Variants in MOCS1 observed in about 807,000 individuals in gnomAD.
MOCS1 encodes the protein molybdenum cofactor synthesis 1.
MOCS1 carries 39 observed loss-of-function variants against 57.6 expected under a neutral mutation model. The ratio of observed to expected loss-of-function variants is 0.68; its 90% CI spans 0.52 to 0.88. MOCS1 has a LOEUF of 0.88. MOCS1 is among the 40% of genes least tolerant of loss of function. MOCS1 has a pLI of 0.00. For synonymous variants in MOCS1, 334 were observed against 335.7 expected, an observed-to-expected ratio of 1.00 and a Z score of 0.05; for missense variants, 795 against 831.1, an observed-to-expected ratio of 0.96 and a Z score of 0.53.
At chr6:39,916,968 G>A (rs1354240680) in intron 3 of MOCS1, among the ~76,000 whole-genome samples, 1 of 152,190 alleles carries the variant, frequency 6.6e-6, no homozygotes, top group Non-Finnish European at 1.5e-5. Flanking sequence ...CAGGGAGGTT[G>A]TCTAAGAGGG....
intron 3 of MOCS1, among the ~76,000 whole-genome samples, chr6:39,920,238 T>G (rs1767889100): frequency 1.3e-5 from 2 of 152,216 alleles, no homozygotes; most frequent in Non-Finnish European, 2.9e-5. Flanking sequence ...GAAATATAAT[T>G]TTACACTTGT....
intron 8 of MOCS1, among the ~76,000 whole-genome samples, chr6:39,910,308 C>A (rs545456980): frequency 6.6e-6 from 1 of 152,172 alleles, no homozygotes. Flanking sequence ...ATGAGAATGG[C>A]CCCCAACCAG....
At chr6:39,910,781 A>AAC (rs1226515370) in intron 8 of MOCS1, among the ~76,000 whole-genome samples, 1 of 152,130 alleles carries the variant, frequency 6.6e-6, no homozygotes. Flanking sequence ...CCTTCTCTGC[A>AAC]ACAAAGAGGT....
chr6:39,925,629 C>A lies in MOCS1; in HGVS notation c.418+49G>T. The A allele has an allele frequency of 2.5e-6, 4 of 1,609,262 alleles. 1 individual carries two copies. The South Asian group carries it at 4.4e-5, about 18-fold the overall frequency. On this transcript the variant is annotated intron_variant, in intron 3 of 10. Coordinates refer to ENST00000340692, the MANE Select transcript of MOCS1 (RefSeq NM_001358530.2). ...GTTAACATCGGCATCAGTGTCCAGC[C>A]GGATGAGGCAGCGCTGGGAGAAGTG...
intron 9 of MOCS1, among the ~76,000 whole-genome samples, chr6:39,909,352 C>T (rs1490320044): frequency 4.8e-5 from 6 of 124,470 alleles, no homozygotes; most frequent in Admixed American, 2.4e-4. Flanking sequence ...AGCAGGGGAG[C>T]GGGAGAGGGA....
rs1247484230 is a variant in MOCS1, at chr6:39,927,328, C to T, written c.250+1G>A. ...AGAGAGGGCCCAGGAAGGTGACTCA[C>T]ATCTGAGGTTGCACTTCTCTGTGAG... is the stretch of plus-strand genomic sequence containing the variant. On this transcript the variant is annotated splice_donor_variant, in intron 2 of 10. Coordinates refer to ENST00000340692, the MANE Select transcript of MOCS1 (RefSeq NM_001358530.2). LOFTEE classifies it high-confidence loss of function. 1.2e-6 allele frequency: 2 copies of T among 1,610,652 alleles called. No homozygotes were observed. The highest frequency in any genetic ancestry group is 1.8e-4 in the Middle Eastern group (1 of 5,588).
At chr6:39,933,084 T>TCTG (rs34578035) in intron 1 of MOCS1, among the ~76,000 whole-genome samples, 31,255 of 151,972 alleles carry the variant, frequency 0.21, 3,542 homozygotes, top group Middle Eastern at 0.31. Context: ...CCTCTACAGC[T>TCTG]CTGCGACTGG....
chr6:39,920,629 G>GACTACAC (rs1173088837), intron 3 of MOCS1, among the ~76,000 whole-genome samples: 8 of 152,146 alleles, frequency 5.3e-5, no homozygotes, highest in Non-Finnish European at 8.8e-5. Context: ...AGCCCTGAAA[G>GACTACAC]ACTACACACA....
intron 10 of MOCS1, among the ~76,000 whole-genome samples, 199 bp from the exon 11 acceptor site, chr6:39,907,316 C>T (rs1314450881): frequency 1.4e-5 from 2 of 147,672 alleles, no homozygotes; most frequent in Non-Finnish European, 3.0e-5. Context: ...TCCAAGTTCA[C>T]AGCCCTTCTC....
At chr6:39,910,701 A>C (rs926291197) in intron 8 of MOCS1, among the ~76,000 whole-genome samples, 1 of 152,160 alleles carries the variant, frequency 6.6e-6, no homozygotes, top group African/African-American at 2.4e-5. Context: ...AGTGAAATCT[A>C]GGATAGGTCT....
rs139286579 is a variant in MOCS1 at position 39,930,067 on chromosome 6, C to T, written c.124-2612G>A. Among the ~76,000 whole-genome samples, 271 of 152,106 alleles carry T rather than the reference C, an allele frequency of 1.8e-3. 1 individual carries two copies. Among genetic ancestry groups the T allele is most frequent in the African/African-American group, 6.3e-3 (260 of 41,450 alleles). ...ACTTATGCAGACTGCACCACCCGTT[C>T]TGAACCCAGCCTCCTAAACACACAC... On this transcript the variant is annotated intron_variant, in intron 1 of 10. Transcript: ENST00000340692.
intron 3 of MOCS1, among the ~76,000 whole-genome samples, chr6:39,917,087 G>A (rs1008299693): frequency 6.6e-6 from 1 of 152,194 alleles, no homozygotes; most frequent in Non-Finnish European, 1.5e-5. Context: ...AGACACTTAA[G>A]CCAGCCATGG....
chr6:39,905,386 T>C lies in MOCS1; in HGVS notation c.*971A>G. Reference sequence around the variant, plus strand: ...ATACAGAGAGTACACCCTTAGGCCTTTCCAGGTCCCTCCTCTTCTTCCCTC... The same window carrying C: ...ATACAGAGAGTACACCCTTAGGCCTCTCCAGGTCCCTCCTCTTCTTCCCTC... On this transcript the variant is annotated 3_prime_UTR_variant, in exon 11 of 11. Transcript: ENST00000340692. The C allele has an allele frequency of 2.1e-6, 1 of 466,044 alleles. No homozygotes were observed. The allele number at this position is 466,044 out of a possible 1,614,324, so 28.9% of individuals were successfully genotyped here.
At chr6:39,918,469 A>T (rs552376311) in intron 3 of MOCS1, among the ~76,000 whole-genome samples, 69 of 152,378 alleles carry the variant, frequency 4.5e-4, no homozygotes, top group African/African-American at 1.6e-3. Context: ...AATTCCACTA[A>T]GAATTTAAGG....
chr6:39,925,330 G>A (rs528279216), intron 3 of MOCS1, among the ~76,000 whole-genome samples: 114 of 152,244 alleles, frequency 7.5e-4, no homozygotes, highest in African/African-American at 2.6e-3. Flanking sequence ...TCAAGGCCCG[G>A]TCATGTGAAT....
intron 8 of MOCS1, 33 bp downstream of exon 8, chr6:39,912,231 G>T: frequency 6.7e-7 from 1 of 1,490,004 alleles, no homozygotes; most frequent in Non-Finnish European, 9.4e-7. Flanking sequence ...CACAGAGGTG[G>T]CAAGGGGTCC....
chr6:39,906,092 T>A lies in MOCS1; in HGVS notation c.*265A>T. 1 of 649,708 alleles carries A rather than the reference T, an allele frequency of 1.5e-6. No individual in the cohort carries two copies. Among genetic ancestry groups the A allele is most frequent in the Non-Finnish European group, 2.8e-6 (1 of 354,374 alleles). 40.2% of individuals were successfully genotyped at this position (649,708 alleles called of 1,614,324 possible). The stretch of plus-strand genomic sequence containing the variant: ...GATTTCTCAGTTATCTGGCATTGCT[T>A]GTTGCAGTCCCGCTCCCACGACCTT... On this transcript the variant is annotated 3_prime_UTR_variant, in exon 11 of 11. Coordinates refer to ENST00000340692, the MANE Select transcript of MOCS1 (RefSeq NM_001358530.2).
At chr6:39,927,507 A>G in intron 1 of MOCS1, 52 bp from the exon 2 acceptor site, 1 of 1,610,604 alleles carries the variant, frequency 6.2e-7, no homozygotes, top group Non-Finnish European at 8.5e-7. Context: ...CGGGCTGGGA[A>G]GAGGCACAAG....
At chr6:39,929,500 C>T (rs113676515) in intron 1 of MOCS1, among the ~76,000 whole-genome samples, 79 of 152,076 alleles carry the variant, frequency 5.2e-4, no homozygotes, top group Non-Finnish European at 9.1e-4. Context: ...CAAGATACCC[C>T]CCCTCAACCC....
Sources: gnomAD v4.1 joint callset for allele counts (sites outside exome capture counted in the v4.1 genomes callset) on GRCh38, gnomAD v4.1.1 for gene constraint, MANE v1.5 for transcripts, NCBI Gene and HGNC (gene_info 2026-07-23, HGNC 2026-07-21) for gene names.